OTOGL: variants seen among roughly 807,000 people sequenced by gnomAD.
OTOGL encodes otogelin like, also known as otogelin-like protein.
OTOGL carries 285 observed loss-of-function variants against 318.5 expected under a neutral mutation model. The observed-to-expected ratio is 0.89, with a 90% CI of 0.81 to 0.99. The LOEUF (loss-of-function observed/expected upper bound fraction) is 0.99, where lower values mean the gene tolerates loss of function less well. Ranked by LOEUF, OTOGL falls within the 50% of genes least tolerant of loss-of-function variation. The probability of loss-of-function intolerance (pLI) is 0.00; values close to 1 mark genes in which losing one functional copy is unlikely to be tolerated. For missense variants in OTOGL, 2,899 were observed against 2,845.6 expected (o/e 1.02, Z -0.43); for synonymous variants, 987 against 936.5 (o/e 1.05, Z -0.99).
Position 80,230,199 on chromosome 12 carries a change from C to T in OTOGL, c.611+821C>T, listed in dbSNP as rs557293912. On this transcript the variant is annotated intron_variant, in intron 8 of 58. Transcript: ENST00000547103. ...ATTCTTTCCAGCGCAATGGCTTTAT[C>T]AACCCGTGTTGCTTTTTCTGGGCTT... Among the ~76,000 whole-genome samples, 11 of 152,224 alleles carry T rather than the reference C, an allele frequency of 7.2e-5. No homozygotes were observed. In the South Asian group the frequency reaches 2.3e-3, roughly 32 times the overall value.
chr12:80,123,424 A>G (rs1173580951), intron 1 of OTOGL, among the ~76,000 whole-genome samples: 3 of 152,322 alleles, frequency 2.0e-5, no homozygotes, highest in African/African-American at 4.8e-5. Flanking sequence ...TTCTTAATCC[A>G]GTCTATCATT....
intron 1 of OTOGL, among the ~76,000 whole-genome samples, chr12:80,150,924 T>C (rs1409718921): frequency 6.6e-6 from 1 of 152,092 alleles, no homozygotes; most frequent in Non-Finnish European, 1.5e-5. Flanking sequence ...TAAATTACAA[T>C]GGAAAAAGGA....
At chr12:80,172,928 C>T (rs1267417004) in intron 1 of OTOGL, among the ~76,000 whole-genome samples, 1 of 152,080 alleles carries the variant, frequency 6.6e-6, no homozygotes, top group Admixed American at 6.6e-5. Context: ...CACACTGGGG[C>T]TTGTTGTGGG....
At chr12:80,119,153 T>C (rs1188721380) in intron 1 of OTOGL, among the ~76,000 whole-genome samples, 1 of 152,168 alleles carries the variant, frequency 6.6e-6, no homozygotes, top group Non-Finnish European at 1.5e-5. Context: ...AGCTACTGAA[T>C]CCAAGATTTT....
At chr12:80,178,996 C>A (rs2137234846) in intron 1 of OTOGL, among the ~76,000 whole-genome samples, 1 of 152,060 alleles carries the variant, frequency 6.6e-6, no homozygotes, top group African/African-American at 2.4e-5. Flanking sequence ...TTATTACTGA[C>A]ACATTGAAGC....
intron 52 of OTOGL, among the ~76,000 whole-genome samples, chr12:80,361,664 A>G (rs1013404402): frequency 2.6e-5 from 4 of 152,126 alleles, no homozygotes; most frequent in African/African-American, 9.7e-5. Context: ...CTTCTTGATA[A>G]TGACCATTCT....
chr12:80,103,392 C>A, intron 1 of OTOGL: 1 of 829,356 alleles, frequency 1.2e-6, no homozygotes, highest in South Asian at 1.6e-5. Flanking sequence ...GCTTCACATT[C>A]CTTTTGACTG....
At chr12:80,350,682 G>T (rs1889486965) in intron 44 of OTOGL, among the ~76,000 whole-genome samples, 1 of 152,110 alleles carries the variant, frequency 6.6e-6, no homozygotes, top group Non-Finnish European at 1.5e-5. Context: ...TCATGTACTT[G>T]TTGGACATTT....
chr12:80,103,915 C>G (rs1252057013), intron 1 of OTOGL, among the ~76,000 whole-genome samples: 1 of 152,120 alleles, frequency 6.6e-6, no homozygotes, highest in Non-Finnish European at 1.5e-5. Context: ...TTCATCAGTA[C>G]TTTTTAAAAT....
At chr12:80,166,410 T>G (rs1048118663) in intron 1 of OTOGL, among the ~76,000 whole-genome samples, 1 of 152,184 alleles carries the variant, frequency 6.6e-6, no homozygotes, top group Non-Finnish European at 1.5e-5. Context: ...AATCTAAGTC[T>G]TGCTCTTATT....
At chr12:80,229,165 G>T in intron 7 of OTOGL, 92 bp from the exon 8 acceptor site, 1 of 1,399,354 alleles carries the variant, frequency 7.1e-7, no homozygotes, top group East Asian at 2.3e-5. Context: ...TGGGACTAAT[G>T]AAACTATATG....
Position 80,339,195 on chromosome 12 carries a change from C to T in OTOGL, c.4981C>T (p.Leu1661Phe), listed in dbSNP as rs1372127194. 5 of 1,610,544 alleles carry T rather than the reference C, an allele frequency of 3.1e-6. No homozygotes were observed. In the South Asian group the frequency reaches 5.5e-5, roughly 18 times the overall value. Reference protein sequence around the residue: ...PAGLIIKWSHLTGIIDIHFGF... With the variant: ...PAGLIIKWSHFTGIIDIHFGF... ...TGGACTAATCATAAAGTGGTCTCATCTTACAGGAATCATAGACATTCATTT... is the reference window on the plus strand; with the variant it reads ...TGGACTAATCATAAAGTGGTCTCATTTTACAGGAATCATAGACATTCATTT... Residue 1661 changes from leucine (L) to phenylalanine (F), a missense_variant, in exon 43 of 59, where the codon CTT (leucine) becomes TTT (phenylalanine). By Grantham distance (22) the Leu-to-Phe change is conservative. Transcript: ENST00000547103.
chr12:80,176,521 T>A (rs977141085), intron 1 of OTOGL, among the ~76,000 whole-genome samples: 1 of 152,202 alleles, frequency 6.6e-6, no homozygotes, highest in South Asian at 2.1e-4. Context: ...TTCTCTTTTT[T>A]GTCTTTTTTC....
chr12:80,370,798 T>C (rs1890836012), intron 56 of OTOGL, 109 bp downstream of exon 56: 3 of 789,770 alleles, frequency 3.8e-6, no homozygotes, highest in Non-Finnish European at 5.3e-6. Flanking sequence ...TAATGGCGAA[T>C]GTGTTATTTT....
intron 1 of OTOGL, among the ~76,000 whole-genome samples, chr12:80,108,953 T>TATATATATATATATATATAC (rs1555268625): frequency 4.2e-5 from 6 of 142,742 alleles, no homozygotes; most frequent in African/African-American, 1.3e-4. Flanking sequence ...TATATATATA[T>TATATATATATATATATATAC]ACACACACAC....
intron 1 of OTOGL, among the ~76,000 whole-genome samples, chr12:80,158,301 T>G (rs1275429963): frequency 6.6e-6 from 1 of 152,076 alleles, no homozygotes; most frequent in Non-Finnish European, 1.5e-5. Context: ...TTTAATATAT[T>G]TAACTCCAGG....
chr12:80,124,585 G>C (rs1870693476), intron 1 of OTOGL, among the ~76,000 whole-genome samples: 4 of 152,172 alleles, frequency 2.6e-5, no homozygotes, highest in African/African-American at 9.7e-5. Flanking sequence ...AAAGGCATTG[G>C]TAGCTTGATG....
chr12:80,117,963 C>A (rs1156666357), intron 1 of OTOGL, among the ~76,000 whole-genome samples: 4 of 152,182 alleles, frequency 2.6e-5, no homozygotes, highest in Admixed American at 1.3e-4. Context: ...CAAAGCACAT[C>A]TTTAAAACTA....
At chr12:80,370,495 A>C in intron 55 of OTOGL, 75 bp from the exon 56 acceptor site, 2 of 1,235,126 alleles carry the variant, frequency 1.6e-6, no homozygotes, top group Non-Finnish European at 2.1e-6. Flanking sequence ...CTTTTTATTC[A>C]ATAGAATAAT....
Sources: gnomAD v4.1 joint callset for allele counts (sites outside exome capture counted in the v4.1 genomes callset) on GRCh38, gnomAD v4.1.1 for gene constraint, MANE v1.5 for transcripts, NCBI Gene and HGNC (gene_info 2026-07-23, HGNC 2026-07-21) for gene names.